TFAP2D: variants seen among roughly 807,000 people sequenced by gnomAD.
TFAP2D encodes the protein transcription factor AP-2 delta.
TFAP2D carries 9 observed loss-of-function variants against 43.6 expected under a neutral mutation model. That is an observed-to-expected ratio of 0.21 (90% confidence interval 0.12 to 0.36). The LOEUF (loss-of-function observed/expected upper bound fraction) is 0.36, where lower values mean the gene tolerates loss of function less well. Among genes scored for constraint, TFAP2D ranks in the 10% least tolerant of loss-of-function variants. TFAP2D has a pLI of 1.00. For synonymous variants in TFAP2D, 256 were observed against 224.9 expected, an observed-to-expected ratio of 1.14 and a Z score of -1.24; for missense variants, 513 against 561.4, an observed-to-expected ratio of 0.91 and a Z score of 0.87.
At chr6:50,729,392 T>G (rs1282281693) in intron 5 of TFAP2D, 80 bp downstream of exon 5, 5 of 1,248,944 alleles carry the variant, frequency 4.0e-6, no homozygotes, top group Non-Finnish European at 5.8e-6. Flanking sequence ...TTATGCTGTT[T>G]TATTTTTGTC....
Position 50,772,813 on chromosome 6 carries a change from G to GA in TFAP2D, c.1312dup (p.Thr438AsnfsTer57). Reference sequence around the variant, plus strand: ...CCAACTCGGAGAAAGCTCCCCTGCGGAAAACTTCAGAGGCTGCCGTGAAAG... The same window carrying GA: ...CCAACTCGGAGAAAGCTCCCCTGCGGAAAAACTTCAGAGGCTGCCGTGAAAG... On this transcript the variant is annotated frameshift_variant, in exon 8 of 8. Transcript: ENST00000008391. LOFTEE classifies it high-confidence loss of function. 6.2e-7 allele frequency: 1 copy of GA among 1,614,074 alleles called. No homozygotes were observed. The highest frequency in any genetic ancestry group is 1.6e-4 in the Middle Eastern group (1 of 6,062).
intron 3 of TFAP2D, among the ~76,000 whole-genome samples, chr6:50,725,242 G>A (rs768704637): frequency 1.3e-5 from 2 of 152,282 alleles, no homozygotes; most frequent in East Asian, 3.9e-4. Context: ...GTCTCTGGCT[G>A]ACTTCTTCCT....
At chr6:50,725,950 TAAAAAA>T (rs1465372787) in intron 3 of TFAP2D, among the ~76,000 whole-genome samples, 2 of 152,148 alleles carry the variant, frequency 1.3e-5, no homozygotes, top group African/African-American at 4.8e-5. Flanking sequence ...TGCTGTGACA[TAAAAAA>T]TAAAAGACTC....
chr6:50,731,301 C>G (rs905306990), intron 5 of TFAP2D, among the ~76,000 whole-genome samples: 2 of 151,996 alleles, frequency 1.3e-5, no homozygotes, highest in African/African-American at 4.8e-5. Flanking sequence ...CTTTTGAAAT[C>G]CCCAGTATCT....
rs1768601391 is a variant in TFAP2D, at chr6:50,715,360, T to C, written c.284T>C (p.Leu95Pro). 2.5e-6 allele frequency: 4 copies of C among 1,613,958 alleles called. No individual in the cohort carries two copies. The highest frequency in any genetic ancestry group is 3.4e-6 in the Non-Finnish European group (4 of 1,180,030). The change falls in exon 2 of 8, where the codon CTC becomes CCC. Residue 95 changes from leucine to proline, a missense_variant. By Grantham distance (98) the Leu-to-Pro change is moderately conservative. This residue lies in a region of TFAP2D where 311 missense variants were observed against 316.2 expected (regional missense o/e 0.98). Transcript: ENST00000008391. The part of the protein sequence containing the change: ...VTPDAYSLNS[L>P]HHSQQYYQQI... ...CCCGACGCCTACTCTCTGAACTCTCTCCACCACTCGCAACAGTACTACCAG... is the reference window on the plus strand; with the variant it reads ...CCCGACGCCTACTCTCTGAACTCTCCCCACCACTCGCAACAGTACTACCAG...
chr6:50,772,657 T>C lies in TFAP2D; in HGVS notation c.1152T>C (p.His384=), dbSNP rs1581782752. ...RHLTHFSLIT[H]GFGTPAICAA... is the part of the protein sequence containing the mutation. ...TTCTCATTTCCAGTTTGATCACTCA[T>C]GGCTTTGGGACTCCGGCAATATGTG... is the stretch of plus-strand genomic sequence containing the variant. Residue 384 remains histidine (H), a synonymous_variant, in exon 8 of 8, where the codon CAT becomes CAC. Coordinates refer to ENST00000008391, the MANE Select transcript of TFAP2D (RefSeq NM_172238.4). 1 of 1,614,100 alleles carries C rather than the reference T, an allele frequency of 6.2e-7. No individual in the cohort carries two copies. The highest frequency in any genetic ancestry group is 8.5e-7 in the Non-Finnish European group (1 of 1,179,972).
At chr6:50,749,355 C>G (rs1389181928) in intron 6 of TFAP2D, among the ~76,000 whole-genome samples, 2 of 151,622 alleles carry the variant, frequency 1.3e-5, no homozygotes, top group Non-Finnish European at 1.5e-5. Context: ...TTCCATTATC[C>G]AATTAATTCT....
chr6:50,728,112 T>A (rs767198197), intron 3 of TFAP2D, among the ~76,000 whole-genome samples: 14 of 152,198 alleles, frequency 9.2e-5, no homozygotes, highest in Admixed American at 2.6e-4. Flanking sequence ...TATCTTTGTT[T>A]TGCTCCCTAA....
intron 3 of TFAP2D, among the ~76,000 whole-genome samples, chr6:50,724,185 C>G (rs948995050): frequency 6.6e-6 from 1 of 151,992 alleles, no homozygotes; most frequent in African/African-American, 2.4e-5. Context: ...GAGAATAATT[C>G]TCCCCACCCA....
chr6:50,736,040 G>C (rs1417922720), intron 5 of TFAP2D, among the ~76,000 whole-genome samples: 2 of 152,042 alleles, frequency 1.3e-5, no homozygotes, highest in Admixed American at 6.6e-5. Flanking sequence ...TTTTTTGGGT[G>C]GTGGTGGTGA....
intron 7 of TFAP2D, among the ~76,000 whole-genome samples, chr6:50,771,042 A>C (rs1039859521): frequency 6.6e-6 from 1 of 152,194 alleles, no homozygotes; most frequent in Non-Finnish European, 1.5e-5. Context: ...AGAAGACTAA[A>C]TCTACAGTTA....
chr6:50,745,104 CAG>C lies in TFAP2D; in HGVS notation c.884-2_884-1del. On this transcript the variant is annotated splice_acceptor_variant, in intron 5 of 7. Coordinates refer to ENST00000008391, the MANE Select transcript of TFAP2D (RefSeq NM_172238.4). LOFTEE classifies it high-confidence loss of function. ...GAAACTCACTTGTGTTATCTGCCAACAGGGGAGGCTTTGCACTTGGCTCGGGA... is the reference window on the plus strand; with the variant it reads ...GAAACTCACTTGTGTTATCTGCCAACGGGAGGCTTTGCACTTGGCTCGGGA... 1 of 1,613,176 alleles carries C rather than the reference CAG, an allele frequency of 6.2e-7. No homozygotes were observed. Among genetic ancestry groups the C allele is most frequent in the African/African-American group, 1.3e-5 (1 of 74,962 alleles).
intron 7 of TFAP2D, among the ~76,000 whole-genome samples, chr6:50,769,574 C>T (rs1769495553): frequency 6.6e-6 from 1 of 152,172 alleles, no homozygotes; most frequent in Non-Finnish European, 1.5e-5. Context: ...ATATAACTAC[C>T]TACCTGTGCT....
chr6:50,717,060 T>G (rs1047563822), intron 2 of TFAP2D, among the ~76,000 whole-genome samples: 6 of 152,180 alleles, frequency 3.9e-5, no homozygotes, highest in African/African-American at 1.4e-4. Flanking sequence ...CCCTTATGTC[T>G]CAAGAGGGAA....
chr6:50,719,447 G>GAAAGAA (rs752502180), intron 3 of TFAP2D, among the ~76,000 whole-genome samples: 1 of 131,690 alleles, frequency 7.6e-6, no homozygotes, highest in African/African-American at 2.9e-5. Flanking sequence ...AAAAGACAGA[G>GAAAGAA]AGAAAGAAAG....
At chr6:50,747,672 C>G (rs1769143599) in intron 6 of TFAP2D, among the ~76,000 whole-genome samples, 2 of 152,004 alleles carry the variant, frequency 1.3e-5, no homozygotes. Flanking sequence ...GCAGCAGTCT[C>G]CAAGCACATT....
intron 3 of TFAP2D, among the ~76,000 whole-genome samples, chr6:50,726,750 G>T (rs1360722784): frequency 6.6e-6 from 1 of 151,260 alleles, no homozygotes; most frequent in East Asian, 1.9e-4. Flanking sequence ...ATTTTTTTTT[G>T]AAATGCATTT....
chr6:50,718,457 G>T (rs1289001763), intron 2 of TFAP2D, among the ~76,000 whole-genome samples: 1 of 152,152 alleles, frequency 6.6e-6, no homozygotes, highest in Non-Finnish European at 1.5e-5. Context: ...CAGACAGGGA[G>T]AAATTTTTAT....
At chr6:50,756,103 T>C (rs1769261457) in intron 7 of TFAP2D, among the ~76,000 whole-genome samples, 1 of 152,028 alleles carries the variant, frequency 6.6e-6, no homozygotes, top group Non-Finnish European at 1.5e-5. Flanking sequence ...GCTCAAGCAG[T>C]CTGCCCACCT....
Sources: gnomAD v4.1 joint callset for allele counts (sites outside exome capture counted in the v4.1 genomes callset) on GRCh38, gnomAD v4.1.1 for gene constraint, gnomAD v4.1.1 regional missense constraint, MANE v1.5 for transcripts, NCBI Gene and HGNC (gene_info 2026-07-23, HGNC 2026-07-21) for gene names.